Variants in SCIN observed in about 807,000 individuals in gnomAD.
The protein encoded by SCIN is scinderin.
Under a neutral mutation model 91.8 loss-of-function variants are expected in SCIN, and 91 were observed. That is an observed-to-expected ratio of 0.99 (90% CI 0.84 to 1.18). The LOEUF (loss-of-function observed/expected upper bound fraction) is 1.18. Ranked by LOEUF, SCIN falls within the 50% of genes most tolerant of loss-of-function variation. SCIN has a pLI of 0.00. For synonymous variants in SCIN, 367 were observed against 312.6 expected, an observed-to-expected ratio of 1.17 and a Z score of -1.84; for missense variants, 1,087 against 863.9, an observed-to-expected ratio of 1.26 and a Z score of -3.24.
chr7:12,628,096 C>A (rs77095401), intron 8 of SCIN, among the ~76,000 whole-genome samples: 26 of 151,802 alleles, frequency 1.7e-4, no homozygotes, highest in African/African-American at 6.0e-4. Flanking sequence ...CAGTGCCTGG[C>A]AGCCTCTCCT....
intron 3 of SCIN, chr7:12,596,352 G>T: frequency 2.2e-6 from 1 of 456,064 alleles, no homozygotes; most frequent in Non-Finnish European, 4.4e-6. Context: ...TGACGTCTGC[G>T]TTTAATTAAG....
intron 15 of SCIN, 52 bp from the exon 16 acceptor site, chr7:12,652,536 T>G (rs1016048725): frequency 6.4e-7 from 1 of 1,551,152 alleles, no homozygotes; most frequent in Non-Finnish European, 8.8e-7. Context: ...CTGCAGTTAC[T>G]TTAGTTTAAC....
intron 4 of SCIN, among the ~76,000 whole-genome samples, chr7:12,612,691 T>G (rs1337751350): frequency 6.6e-6 from 1 of 152,194 alleles, no homozygotes; most frequent in Admixed American, 6.6e-5. Flanking sequence ...GTTATTTAAT[T>G]TAATGAATTT....
At chr7:12,625,929 G>C (rs1254605017) in intron 7 of SCIN, 79 bp downstream of exon 7, 1 of 1,051,188 alleles carries the variant, frequency 9.5e-7, no homozygotes, top group Non-Finnish European at 1.4e-6. Flanking sequence ...TCATGAAAAA[G>C]TTTGGGTCAA....
intron 13 of SCIN, among the ~76,000 whole-genome samples, chr7:12,647,289 C>T (rs923117359): frequency 1.3e-5 from 2 of 152,204 alleles, no homozygotes; most frequent in Admixed American, 6.5e-5. Context: ...TTTGGAACCC[C>T]TTCTGCTCCC....
At chr7:12,625,650 C>G (rs749239624) in intron 6 of SCIN, 112 bp from the exon 7 acceptor site, 5 of 811,966 alleles carry the variant, frequency 6.2e-6, no homozygotes, top group Non-Finnish European at 9.6e-6. Context: ...TCTTTCACTG[C>G]TGTATTTAAC....
rs148783009 is a variant in SCIN at position 12,610,681 on chromosome 7, G to C, written c.666+6018G>C. Among the ~76,000 whole-genome samples, 637 of 152,208 alleles carry C rather than the reference G, an allele frequency of 4.2e-3. 6 individuals are homozygous for C. The highest frequency in any genetic ancestry group is 0.015 in the African/African-American group (603 of 41,518). ...CAAAGTCATATGCTGATTAAAGTAA[G>C]TTTTAAGACCAACTAGATTTACATG... On this transcript the variant is annotated intron_variant, in intron 4 of 15. Coordinates refer to ENST00000297029, the MANE Select transcript of SCIN (RefSeq NM_001112706.3).
chr7:12,657,842 G>A lies in SCIN; in HGVS notation c.*5127G>A, dbSNP rs993543602. ...CATTTCATCATGTCTCCATTTCTTC[G>A]GAATGATAATTTCTAATATACTTTT... is the stretch of plus-strand genomic sequence containing the variant. On this transcript the variant is annotated 3_prime_UTR_variant, in exon 16 of 16. Coordinates refer to ENST00000297029, the MANE Select transcript of SCIN (RefSeq NM_001112706.3). The A allele has an allele frequency of 6.6e-6, 1 of 150,950 alleles. No individual in the cohort carries two copies. The highest frequency in any genetic ancestry group is 1.5e-5 in the Non-Finnish European group (1 of 67,752). 9.4% of individuals were successfully genotyped at this position (150,950 alleles called of 1,614,324 possible).
chr7:12,613,846 G>A (rs1323913340), intron 4 of SCIN, among the ~76,000 whole-genome samples: 4 of 152,044 alleles, frequency 2.6e-5, no homozygotes, highest in Non-Finnish European at 4.4e-5. Context: ...AAACCAATAG[G>A]AAATTCTCAG....
rs2115305335 is a variant in SCIN at position 12,651,479 on chromosome 7, T to A, written c.1960-362T>A. Among the ~76,000 whole-genome samples the A allele has an allele frequency of 6.6e-6, 1 of 152,200 alleles. No individual in the cohort carries two copies. On this transcript the variant is annotated intron_variant, in intron 14 of 15. Transcript: ENST00000297029. The surrounding 1 kb of genome is among the most constrained non-coding windows in gnomAD (Gnocchi z 5.9). ...AAGAAGTGTATTCGGAGGTGAAATA[T>A]TTTGGTTTCCTTCGACTGCTGTCAC...
At chr7:12,584,436 C>G (rs1353998115) in intron 3 of SCIN, among the ~76,000 whole-genome samples, 1 of 152,156 alleles carries the variant, frequency 6.6e-6, no homozygotes, top group Non-Finnish European at 1.5e-5. Flanking sequence ...GAGAAATCAG[C>G]TTTTTTGATC....
intron 3 of SCIN, among the ~76,000 whole-genome samples, chr7:12,593,950 A>G (rs1314924219): frequency 2.0e-5 from 3 of 152,208 alleles, no homozygotes; most frequent in African/African-American, 7.2e-5. Flanking sequence ...ATTGAGTAAG[A>G]TATTTAAATT....
intron 9 of SCIN, among the ~76,000 whole-genome samples, chr7:12,630,584 C>G (rs115544182): frequency 4.6e-5 from 7 of 152,352 alleles, no homozygotes; most frequent in African/African-American, 1.7e-4. Context: ...AATCCATATG[C>G]TGTCCTAGAC....
rs758771594 is a variant in SCIN at position 12,570,758 on chromosome 7, C to T, written c.-29C>T. On this transcript the variant is annotated 5_prime_UTR_variant, in exon 1 of 16. Coordinates refer to ENST00000297029, the MANE Select transcript of SCIN (RefSeq NM_001112706.3). ...TTAGTCCAAGATCAGCGATATCACGCGTCCCCCGGAGCATCGCGTGCAGGA... is the reference window on the plus strand; with the variant it reads ...TTAGTCCAAGATCAGCGATATCACGTGTCCCCCGGAGCATCGCGTGCAGGA... 4 of 1,544,518 alleles carry T rather than the reference C, an allele frequency of 2.6e-6. No homozygotes were observed. Among genetic ancestry groups the T allele is most frequent in the South Asian group, 1.2e-5 (1 of 83,484 alleles).
chr7:12,633,915 CCTTT>C (rs1783695598), intron 9 of SCIN, among the ~76,000 whole-genome samples: 1 of 151,300 alleles, frequency 6.6e-6, no homozygotes, highest in African/African-American at 2.4e-5. Flanking sequence ...TTTAGTAGTT[CCTTT>C]ATTAGGGAAA....
chr7:12,644,041 C>T, intron 11 of SCIN, 97 bp from the exon 12 acceptor site: 4 of 1,082,552 alleles, frequency 3.7e-6, no homozygotes, highest in South Asian at 3.0e-5. Context: ...GGGCAGAAGG[C>T]GATGTATGGT....
chr7:12,648,976 C>G (rs1319160304), intron 13 of SCIN, among the ~76,000 whole-genome samples: 3 of 152,044 alleles, frequency 2.0e-5, no homozygotes, highest in Non-Finnish European at 2.9e-5. Flanking sequence ...TTATATAAGA[C>G]CAGTGTATAC....
At chr7:12,628,717 A>AT (rs1009202666) in intron 8 of SCIN, among the ~76,000 whole-genome samples, 105 of 152,124 alleles carry the variant, frequency 6.9e-4, no homozygotes, top group African/African-American at 2.4e-3. Context: ...CAGGGAAAAA[A>AT]ATATATATAT....
At chr7:12,639,074 G>GA (rs1429927415) in intron 10 of SCIN, among the ~76,000 whole-genome samples, 2 of 152,266 alleles carry the variant, frequency 1.3e-5, no homozygotes, top group South Asian at 2.1e-4. Flanking sequence ...AATAATGCAT[G>GA]AAAAAACTAA....
Sources: gnomAD v4.1 joint callset for allele counts (sites outside exome capture counted in the v4.1 genomes callset) on GRCh38, gnomAD v4.1.1 for gene constraint, Gnocchi (gnomAD v3.1) non-coding constraint, MANE v1.5 for transcripts, NCBI Gene and HGNC (gene_info 2026-07-23, HGNC 2026-07-21) for gene names.